Variants in NXNL2 observed in about 807,000 individuals in gnomAD.
NXNL2 encodes nucleoredoxin like 2, also known as nucleoredoxin-like protein 2.
Under a neutral mutation model 11.1 loss-of-function variants are expected in NXNL2, and 7 were observed. The ratio of observed to expected loss-of-function variants is 0.63; its 90% CI spans 0.36 to 1.18. NXNL2 has a LOEUF of 1.18. NXNL2 is among the 50% of genes most tolerant of loss of function. The pLI, the probability that NXNL2 is intolerant of heterozygous loss-of-function variation, is 0.02. For synonymous variants in NXNL2, 109 were observed against 101.8 expected (o/e 1.07, Z -0.42); for missense variants, 233 against 217.7 (o/e 1.07, Z -0.44).
chr9:88,546,523 C>T (rs1829848579), downstream of NXNL2, among the ~76,000 whole-genome samples: 1 of 146,782 alleles, frequency 6.8e-6, no homozygotes, highest in African/African-American at 2.5e-5. Context: ...TCAAGCGATT[C>T]TGTTGCCTCA....
downstream of NXNL2, among the ~76,000 whole-genome samples, chr9:88,549,920 G>A (rs956738162): frequency 2.6e-5 from 4 of 152,060 alleles, no homozygotes; most frequent in East Asian, 3.9e-4. Flanking sequence ...CGCCTCCCAG[G>A]TTTAAGTGAT....
downstream of NXNL2, among the ~76,000 whole-genome samples, chr9:88,577,582 G>A (rs1442821576): frequency 1.3e-5 from 2 of 151,842 alleles, no homozygotes; most frequent in East Asian, 1.9e-4. Context: ...TGGACACTGT[G>A]TCCTCACATG....
intron 1 of NXNL2, among the ~76,000 whole-genome samples, chr9:88,556,775 C>A (rs1830017291): frequency 6.6e-6 from 1 of 152,020 alleles, no homozygotes; most frequent in Non-Finnish European, 1.5e-5. Flanking sequence ...ATGCATTCAG[C>A]CTTCCATAGA....
At chr9:88,563,920 C>T (rs945983279) in intron 1 of NXNL2, among the ~76,000 whole-genome samples, 1 of 151,926 alleles carries the variant, frequency 6.6e-6, no homozygotes, top group South Asian at 2.1e-4. Context: ...TCATCAAAGC[C>T]CTTCTCTGGG....
At chr9:88,549,087 A>G (rs1398476391), downstream of NXNL2, among the ~76,000 whole-genome samples, 1 of 152,200 alleles carries the variant, frequency 6.6e-6, no homozygotes, top group African/African-American at 2.4e-5. Context: ...GTATTTTGTG[A>G]TAGCAGCCTG....
At chr9:88,567,298 C>T (rs1587854065) in intron 1 of NXNL2, among the ~76,000 whole-genome samples, 2 of 152,098 alleles carry the variant, frequency 1.3e-5, no homozygotes, top group East Asian at 1.9e-4. Flanking sequence ...GCCACCATCC[C>T]CAGCTAATTT....
chr9:88,577,627 G>GAGAA (rs1157055874), downstream of NXNL2, among the ~76,000 whole-genome samples: 1 of 151,072 alleles, frequency 6.6e-6, no homozygotes, highest in African/African-American at 2.4e-5. Flanking sequence ...GAGAGAAAGA[G>GAGAA]AGAGAGAGAG....
Position 88,544,454 on chromosome 9 carries a change from C to T in NXNL2, c.378C>T (p.Thr126=). ...TGAAACAAAATGGGGAGGTCATCAC[C>T]AACAAAGGGCGGAAGCAGATCCGGG... ...VIVKQNGEVI[T]NKGRKQIRER... The change falls in exon 2 of 2, where the codon ACC becomes ACT. Residue 126 remains threonine (T), a synonymous_variant. Transcript: ENST00000375854. 1 of 1,551,812 alleles carries T rather than the reference C, an allele frequency of 6.4e-7. No individual in the cohort carries two copies. The highest frequency in any genetic ancestry group is 8.7e-7 in the Non-Finnish European group (1 of 1,147,020).
chr9:88,545,708 G>A (rs2118432333), downstream of NXNL2, among the ~76,000 whole-genome samples: 1 of 152,234 alleles, frequency 6.6e-6, no homozygotes. Flanking sequence ...AATAAGTCAT[G>A]TAGAAATGCA....
chr9:88,547,085 C>T (rs1474887814), downstream of NXNL2, among the ~76,000 whole-genome samples: 6 of 152,216 alleles, frequency 3.9e-5, no homozygotes, highest in African/African-American at 1.2e-4. Flanking sequence ...CATGCAGCAT[C>T]GTGACCCAGC....
intron 1 of NXNL2, among the ~76,000 whole-genome samples, chr9:88,554,155 G>A (rs557001459): frequency 6.6e-6 from 1 of 152,234 alleles, no homozygotes; most frequent in East Asian, 1.9e-4. Flanking sequence ...TGGGGCTGGA[G>A]GAACCTGTAA....
At chr9:88,547,345 C>G (rs1230599784), downstream of NXNL2, among the ~76,000 whole-genome samples, 1 of 152,216 alleles carries the variant, frequency 6.6e-6, no homozygotes, top group East Asian at 1.9e-4. Flanking sequence ...GCGTGCAGAC[C>G]TCAGGGAGAC....
intron 1 of NXNL2, among the ~76,000 whole-genome samples, chr9:88,536,125 G>T (rs1829614039): frequency 6.6e-6 from 1 of 152,156 alleles, no homozygotes; most frequent in African/African-American, 2.4e-5. Context: ...TCCCGGCGCC[G>T]CTGCGTCATC....
chr9:88,544,389 A>AAG lies in NXNL2; in HGVS notation c.316_317dup (p.Tyr107GlyfsTer11). Reference sequence around the variant, plus strand: ...TCTTCTGTCCTGCAGTGAGCTGAGGAAGAGGTACAACGTCACAGCCATCCC... The same window carrying AAG: ...TCTTCTGTCCTGCAGTGAGCTGAGGAAGAGAGGTACAACGTCACAGCCATCCC... On this transcript the variant is annotated frameshift_variant, in exon 2 of 2. Transcript: ENST00000375854. LOFTEE classifies it high-confidence loss of function. 2 of 1,551,834 alleles carry AAG rather than the reference A, an allele frequency of 1.3e-6. No homozygotes were observed. The highest frequency in any genetic ancestry group is 2.4e-5 in the South Asian group (2 of 84,054).
chr9:88,577,363 C>T (rs1191285321), downstream of NXNL2, among the ~76,000 whole-genome samples: 2 of 151,998 alleles, frequency 1.3e-5, no homozygotes, highest in Non-Finnish European at 2.9e-5. Context: ...GTGAGAACAG[C>T]CCTGCACAGA....
At chr9:88,560,723 A>G (rs1230998657) in intron 1 of NXNL2, among the ~76,000 whole-genome samples, 12 of 152,118 alleles carry the variant, frequency 7.9e-5, no homozygotes, top group Non-Finnish European at 1.5e-5. Context: ...AGCCTGGGCA[A>G]CATAGTAAGA....
At chr9:88,542,312 A>T (rs973077397) in intron 1 of NXNL2, among the ~76,000 whole-genome samples, 1 of 151,872 alleles carries the variant, frequency 6.6e-6, no homozygotes, top group African/African-American at 2.4e-5. Flanking sequence ...TTTTTGAGAC[A>T]GAGTCTCACT....
intron 1 of NXNL2, among the ~76,000 whole-genome samples, chr9:88,553,626 G>T (rs1829973555): frequency 6.6e-6 from 1 of 152,166 alleles, no homozygotes; most frequent in Non-Finnish European, 1.5e-5. Context: ...GAGTCCAACA[G>T]GGTAAGAAGA....
intron 1 of NXNL2, among the ~76,000 whole-genome samples, chr9:88,570,845 C>G (rs765164321): frequency 2.0e-5 from 3 of 148,992 alleles, no homozygotes; most frequent in African/African-American, 7.4e-5. Flanking sequence ...TGGGTTCAAA[C>G]GATTCTTCTC....
Sources: allele counts gnomAD v4.1 joint callset (sites outside exome capture counted in the v4.1 genomes callset), GRCh38; gene constraint gnomAD v4.1.1; transcripts MANE v1.5; gene names NCBI Gene and HGNC (gene_info 2026-07-23, HGNC 2026-07-21).